The following C10orf90 variants were observed in gnomAD, a reference collection of about 807,000 sequenced individuals.
C10orf90 encodes the protein (E2-independent) E3 ubiquitin-conjugating enzyme FATS.
A neutral mutation model predicts 62.5 loss-of-function variants in C10orf90; 56 were observed. The ratio of observed to expected loss-of-function variants is 0.90; its 90% confidence interval spans 0.72 to 1.12. The LOEUF (loss-of-function observed/expected upper bound fraction) is 1.12, where lower values mean the gene tolerates loss of function less well. Ranked by LOEUF, C10orf90 falls within the 50% of genes most tolerant of loss-of-function variation. The pLI, the probability that C10orf90 is intolerant of heterozygous loss-of-function variation, is 0.00. For synonymous variants in C10orf90, 386 were observed against 340.4 expected, an observed-to-expected ratio of 1.13 and a Z score of -1.47; for missense variants, 970 against 880.4, an observed-to-expected ratio of 1.10 and a Z score of -1.29.
intron 5 of C10orf90, among the ~76,000 whole-genome samples, chr10:126,462,709 C>T (rs914865418): frequency 8.5e-5 from 13 of 152,134 alleles, no homozygotes; most frequent in Non-Finnish European, 1.6e-4. Flanking sequence ...GGAGGCTCAC[C>T]TGTCCGTGGG....
intron 2 of C10orf90, among the ~76,000 whole-genome samples, chr10:126,517,655 T>G (rs1863511289): frequency 6.6e-6 from 1 of 152,150 alleles, no homozygotes; most frequent in Non-Finnish European, 1.5e-5. Flanking sequence ...CTCACACCTG[T>G]AATTCCAGCA....
intron 2 of C10orf90, among the ~76,000 whole-genome samples, chr10:126,573,100 C>T (rs1844540525): frequency 6.6e-6 from 1 of 152,132 alleles, no homozygotes; most frequent in African/African-American, 2.4e-5. Flanking sequence ...CATCAGCAGA[C>T]TCACGTCTCC....
intron 2 of C10orf90, among the ~76,000 whole-genome samples, chr10:126,576,715 ACAAG>A (rs1844626984): frequency 3.4e-5 from 1 of 29,284 alleles, no homozygotes; most frequent in Non-Finnish European, 6.9e-5. Context: ...GTATATATAT[ACAAG>A]ATATACATAT....
At chr10:126,485,433 C>T (rs1260967550) in intron 4 of C10orf90, among the ~76,000 whole-genome samples, 1 of 152,120 alleles carries the variant, frequency 6.6e-6, no homozygotes, top group Non-Finnish European at 1.5e-5. Context: ...AATGAAGAGG[C>T]ACACCATCTT....
chr10:126,490,021 A>ATT (rs1334279972), intron 4 of C10orf90, among the ~76,000 whole-genome samples: 3 of 63,914 alleles, frequency 4.7e-5, no homozygotes, highest in Admixed American at 2.3e-4. Flanking sequence ...TATTATATAT[A>ATT]ATATATAATA....
rs749755855 is a variant in C10orf90 at position 126,504,021 on chromosome 10, A to G, written c.1470T>C (p.His490=). 1.2e-6 allele frequency: 2 copies of G among 1,613,786 alleles called. No homozygotes were observed. The highest frequency in any genetic ancestry group is 2.2e-5 in the East Asian group (1 of 44,876). ...GGTTGGCATGATCGCTGGCGTGACA[A>G]TGAGTTGTATGGTCCTTTTCCCCTT... ...VRKGEKDHTT[H]CHASDHANQL... is the part of the protein sequence containing the mutation. Residue 490 remains histidine (H), a synonymous_variant, in exon 4 of 10, where the codon CAT becomes CAC. Transcript: ENST00000488181. This position sits in a 1 kb window ranked among gnomAD's most constrained non-coding sequence, Gnocchi z 4.1.
At chr10:126,532,929 ATTAT>A (rs553410812) in intron 2 of C10orf90, among the ~76,000 whole-genome samples, 25 of 145,966 alleles carry the variant, frequency 1.7e-4, no homozygotes, top group African/African-American at 5.2e-4. Context: ...TATTATTATT[ATTAT>A]TTATTTATTT....
Position 126,505,102 on chromosome 10 carries a change from A to T in C10orf90, c.406-17T>A. 1 of 1,589,100 alleles carries T rather than the reference A, an allele frequency of 6.3e-7. No homozygotes were observed. The highest frequency in any genetic ancestry group is 1.8e-5 in the Admixed American group (1 of 56,614). On this transcript the variant is annotated splice_polypyrimidine_tract_variant and intron_variant, in intron 3 of 9. Coordinates refer to ENST00000488181, the MANE Select transcript of C10orf90 (RefSeq NM_001350921.2). ...CAGGGTCTCCTGCAAATAGAAAAAG[A>T]TCCCGATTATTCAAGCAGTCTATTG...
At chr10:126,489,119 A>G (rs28416979) in intron 4 of C10orf90, among the ~76,000 whole-genome samples, 2 of 152,272 alleles carry the variant, frequency 1.3e-5, no homozygotes, top group African/African-American at 4.8e-5. Flanking sequence ...AATAAAAAAA[A>G]TCCCCCAAAA....
At chr10:126,656,587 G>A (rs1846399023) in intron 1 of C10orf90, among the ~76,000 whole-genome samples, 1 of 152,182 alleles carries the variant, frequency 6.6e-6, no homozygotes, top group Admixed American at 6.5e-5. Flanking sequence ...ATTTATCACG[G>A]CCACACAATA....
At chr10:126,665,683 C>T (rs927292032) in intron 1 of C10orf90, among the ~76,000 whole-genome samples, 1 of 152,096 alleles carries the variant, frequency 6.6e-6, no homozygotes, top group Admixed American at 6.5e-5. Context: ...GAGGTGAGTC[C>T]TACAATTGTC....
intron 2 of C10orf90, among the ~76,000 whole-genome samples, chr10:126,531,172 T>C (rs2133955281): frequency 6.9e-6 from 1 of 144,158 alleles, no homozygotes; most frequent in East Asian, 2.1e-4. Context: ...AGACTCCATC[T>C]GAAAAAAAAA....
chr10:126,581,077 T>C (rs959377791), intron 2 of C10orf90, among the ~76,000 whole-genome samples: 7 of 152,192 alleles, frequency 4.6e-5, no homozygotes, highest in African/African-American at 1.7e-4. Context: ...TCGCTTAGAC[T>C]AGCCGCCGTG....
chr10:126,542,523 A>T (rs1409058878), intron 2 of C10orf90, among the ~76,000 whole-genome samples: 1 of 152,222 alleles, frequency 6.6e-6, no homozygotes, highest in East Asian at 1.9e-4. Flanking sequence ...TAAATAAAAA[A>T]TAATACTTTT....
chr10:126,627,703 CTT>C (rs1283900112), intron 2 of C10orf90, among the ~76,000 whole-genome samples: 2 of 152,144 alleles, frequency 1.3e-5, no homozygotes, highest in Non-Finnish European at 2.9e-5. Context: ...TTTCTTTTCT[CTT>C]GTCTCCTCAG....
chr10:126,459,335 C>A, intron 6 of C10orf90, 118 bp from the exon 7 acceptor site: 1 of 1,162,086 alleles, frequency 8.6e-7, no homozygotes, highest in Non-Finnish European at 1.2e-6. Context: ...CCAAAAGCCA[C>A]GGTGCAAAAG....
At chr10:126,478,654 T>A (rs1433494898) in intron 4 of C10orf90, among the ~76,000 whole-genome samples, 1 of 152,094 alleles carries the variant, frequency 6.6e-6, no homozygotes, top group Non-Finnish European at 1.5e-5. Context: ...GAAGGCCAGA[T>A]GAAGATTGAT....
intron 2 of C10orf90, among the ~76,000 whole-genome samples, chr10:126,593,475 G>T (rs1370099856): frequency 6.6e-6 from 1 of 152,188 alleles, no homozygotes; most frequent in East Asian, 1.9e-4. Context: ...TTATTCAGTG[G>T]GAACTGAATG....
chr10:126,457,171 T>G (rs1025337533), intron 7 of C10orf90, among the ~76,000 whole-genome samples: 1 of 152,100 alleles, frequency 6.6e-6, no homozygotes, highest in Non-Finnish European at 1.5e-5. Context: ...GTACTTTTTG[T>G]AGAGACAGGG....
Sources: allele counts gnomAD v4.1 joint callset (sites outside exome capture counted in the v4.1 genomes callset), GRCh38; gene constraint gnomAD v4.1.1; non-coding constraint Gnocchi (gnomAD v3.1); transcripts MANE v1.5; gene names NCBI Gene and HGNC (gene_info 2026-07-23, HGNC 2026-07-21).